The following NGEF variants were observed in gnomAD, a reference collection of about 807,000 sequenced individuals.
NGEF encodes the protein neuronal guanine nucleotide exchange factor.
A neutral mutation model predicts 80.9 loss-of-function variants in NGEF; 31 were observed. The ratio of observed to expected loss-of-function variants is 0.38; its 90% CI spans 0.29 to 0.52. The LOEUF (loss-of-function observed/expected upper bound fraction) is 0.52, where lower values mean the gene tolerates loss of function less well. NGEF is among the 20% of genes least tolerant of loss of function. The pLI is 0.84. For missense variants in NGEF, 709 were observed against 926.2 expected (o/e 0.77, Z 3.04); for synonymous variants, 371 against 370.2 (o/e 1.00, Z -0.03).
At chr2:232,909,010 C>T (rs546844428) in intron 5 of NGEF, among the ~76,000 whole-genome samples, 98 of 152,170 alleles carry the variant, frequency 6.4e-4, no homozygotes, top group African/African-American at 2.2e-3. Flanking sequence ...AGTAGGAAAC[C>T]GTAACTGGTA....
intron 1 of NGEF, among the ~76,000 whole-genome samples, chr2:233,008,777 T>A (rs555145648): frequency 1.3e-4 from 20 of 152,222 alleles, no homozygotes; most frequent in Admixed American, 3.9e-4. Flanking sequence ...TTCCTTTTTT[T>A]AAAAAACTTT....
chr2:232,958,141 G>A (rs1693870300), intron 3 of NGEF, among the ~76,000 whole-genome samples: 1 of 152,162 alleles, frequency 6.6e-6, no homozygotes, highest in African/African-American at 2.4e-5. Flanking sequence ...CCAAGCGAGG[G>A]ATGCCAGAGA....
In NGEF at chr2:232,882,400, G is replaced by A. The variant is rs146892589; in HGVS notation, c.1758-135C>T. The A allele has an allele frequency of 5.0e-3, 3,876 of 778,486 alleles. 20 individuals are homozygous for A. The highest frequency in any genetic ancestry group is 0.012 in the Middle Eastern group (46 of 3,968). The allele number at this position is 778,486 out of a possible 1,614,324, so 48.2% of individuals were successfully genotyped here. A position where few individuals can be genotyped will look rare whatever the true frequency, so the allele number is the denominator to read the frequency against. On this transcript the variant is annotated intron_variant, in intron 12 of 14. Transcript: ENST00000264051. ...GAGCACCGCTCAAGCCCACCCCAGG[G>A]ACAGCTCGGGGGAGCCACAGAAACG...
intron 3 of NGEF, among the ~76,000 whole-genome samples, chr2:232,961,323 A>G (rs971580234): frequency 1.3e-5 from 2 of 152,028 alleles, no homozygotes; most frequent in Non-Finnish European, 1.5e-5. Flanking sequence ...TAACTACACT[A>G]TATATGTTTG....
chr2:232,934,601 A>T (rs1388470719), intron 3 of NGEF, among the ~76,000 whole-genome samples: 1 of 152,202 alleles, frequency 6.6e-6, no homozygotes, highest in African/African-American at 2.4e-5. Flanking sequence ...GGCTGCTATT[A>T]AAATCTCCTT....
At position 232,879,433 on chromosome 2, in the gene NGEF, C is replaced by G. The variant is rs1011216437; in HGVS notation, c.*56G>C. The G allele has an allele frequency of 1.3e-5, 19 of 1,418,592 alleles. No homozygotes were observed. In the East Asian group the frequency reaches 1.6e-4, roughly 12 times the overall value. The allele number at this position is 1,418,592 out of a possible 1,614,324, so 87.9% of individuals were successfully genotyped here. ...GTGCTTCCCAGAGCCCCCCCCCCCC[C>G]ACCTTCTGTCGGGGTCTCATGCAGG... On this transcript the variant is annotated 3_prime_UTR_variant, in exon 15 of 15. Transcript: ENST00000264051.
chr2:233,006,453 C>T (rs1026184286), intron 1 of NGEF, among the ~76,000 whole-genome samples: 2 of 152,116 alleles, frequency 1.3e-5, no homozygotes, highest in Non-Finnish European at 2.9e-5. Context: ...AAGAAGGGGG[C>T]ACCTCCAACT....
intron 8 of NGEF, among the ~76,000 whole-genome samples, chr2:232,889,552 T>C (rs898498919): frequency 6.6e-6 from 1 of 152,246 alleles, no homozygotes; most frequent in African/African-American, 2.4e-5. Flanking sequence ...TATTCATATA[T>C]GCACTTTCCC....
At chr2:232,993,153 A>ATCATATATAT (rs1559238286) in intron 1 of NGEF, among the ~76,000 whole-genome samples, 2 of 85,006 alleles carry the variant, frequency 2.4e-5, no homozygotes, top group African/African-American at 1.1e-4. Context: ...ATATATGGGC[A>ATCATATATAT]AATATATATA....
chr2:232,898,584 T>C (rs1692170360), intron 5 of NGEF, among the ~76,000 whole-genome samples: 1 of 152,268 alleles, frequency 6.6e-6, no homozygotes, highest in Non-Finnish European at 1.5e-5. Context: ...TCCTTATCGA[T>C]ATTACTTTTG....
intron 5 of NGEF, among the ~76,000 whole-genome samples, chr2:232,902,400 T>C (rs1004574367): frequency 1.3e-5 from 2 of 152,148 alleles, no homozygotes; most frequent in Non-Finnish European, 2.9e-5. Flanking sequence ...GCAGGTCCCG[T>C]GAGCAGCGTG....
At chr2:232,895,667 C>T (rs1000607724) in intron 5 of NGEF, among the ~76,000 whole-genome samples, 5 of 152,190 alleles carry the variant, frequency 3.3e-5, no homozygotes, top group Middle Eastern at 3.4e-3. Flanking sequence ...AGCAGAAAAG[C>T]GTCAGGGGAA....
intron 1 of NGEF, among the ~76,000 whole-genome samples, chr2:233,002,339 C>CTTTAATTAGAAA (rs1694996918): frequency 6.6e-6 from 1 of 152,098 alleles, no homozygotes; most frequent in Non-Finnish European, 1.5e-5. Flanking sequence ...TAAAGGCAAT[C>CTTTAATTAGAAA]TGTAGAAAAT....
At position 232,880,287 on chromosome 2, in the gene NGEF, G is replaced by C. The variant is rs141770722; in HGVS notation, c.1943-608C>G. Among the ~76,000 whole-genome samples, 288 of 152,356 alleles carry C rather than the reference G, an allele frequency of 1.9e-3. 4 individuals carry two copies. The highest frequency in any genetic ancestry group is 0.014 in the Admixed American group (220 of 15,308). ...TTCTCCACCTCTCCCCTCCCCTAGA[G>C]ATCACCAGGTCTTTGCTCAGAGTTT... On this transcript the variant is annotated intron_variant, in intron 14 of 14. Transcript: ENST00000264051.
chr2:232,898,580 T>C (rs1692170155), intron 5 of NGEF, among the ~76,000 whole-genome samples: 1 of 152,256 alleles, frequency 6.6e-6, no homozygotes, highest in Non-Finnish European at 1.5e-5. Context: ...CTTTTCCTTA[T>C]CGATATTACT....
At chr2:232,943,982 C>G (rs1377140041) in intron 3 of NGEF, among the ~76,000 whole-genome samples, 1 of 151,692 alleles carries the variant, frequency 6.6e-6, no homozygotes, top group Non-Finnish European at 1.5e-5. Context: ...CCTGTAATCC[C>G]AGCACTTTGG....
chr2:232,939,137 C>T (rs1272648303), intron 3 of NGEF, among the ~76,000 whole-genome samples: 1 of 145,496 alleles, frequency 6.9e-6, no homozygotes, highest in Non-Finnish European at 1.5e-5. Flanking sequence ...GAGATTGCGC[C>T]ACTGGACTCC....
In NGEF at chr2:232,892,469, C is replaced by T. The variant is rs377495442; in HGVS notation, c.1142+429G>A. 1.8e-4 allele frequency among the ~76,000 whole-genome samples: 27 copies of T among 152,286 alleles called. 1 individual carries two copies. The highest frequency in any genetic ancestry group is 7.8e-4 in the Admixed American group (12 of 15,308). ...ATGGGCAGATTAGCAATCAATGCCC[C>T]GGCGCTGCTGGAGGAGCCCCACCGA... On this transcript the variant is annotated intron_variant, in intron 7 of 14. Transcript: ENST00000264051. This position sits in a 1 kb window ranked among gnomAD's most constrained non-coding sequence, Gnocchi z 4.0.
chr2:232,952,970 CAAAAAAAAAAAAA>C (rs57198276), intron 3 of NGEF, among the ~76,000 whole-genome samples: 1 of 73,068 alleles, frequency 1.4e-5, no homozygotes, highest in African/African-American at 5.6e-5. Context: ...AGACAGCCCT[CAAAAAAAAAAAAA>C]AAAAAAAAAA....
Sources: gnomAD v4.1 joint callset for allele counts (sites outside exome capture counted in the v4.1 genomes callset) on GRCh38, gnomAD v4.1.1 for gene constraint, Gnocchi (gnomAD v3.1) non-coding constraint, MANE v1.5 for transcripts, NCBI Gene and HGNC (gene_info 2026-07-23, HGNC 2026-07-21) for gene names.